The following SPAG16 variants were observed in gnomAD, a reference collection of about 807,000 sequenced individuals.
The protein encoded by SPAG16 is sperm-associated antigen 16 protein.
Under a neutral mutation model 80.4 loss-of-function variants are expected in SPAG16, and 86 were observed. That is an observed-to-expected ratio of 1.07 (90% CI 0.90 to 1.28). The LOEUF is 1.28. Among genes scored for constraint, SPAG16 ranks in the 50% most tolerant of loss-of-function variants. The pLI, the probability that SPAG16 is intolerant of heterozygous loss-of-function variation, is 0.00. For missense variants in SPAG16, 870 were observed against 765.3 expected (o/e 1.14, Z -1.61); for synonymous variants, 294 against 265.9 (o/e 1.11, Z -1.03).
intron 10 of SPAG16, among the ~76,000 whole-genome samples, chr2:213,670,163 T>A (rs184553020): frequency 1.3e-5 from 2 of 151,808 alleles, no homozygotes; most frequent in Non-Finnish European, 2.9e-5. Flanking sequence ...CCCAGCTAAT[T>A]TTTTTTGTAT....
rs557474117 is a variant in SPAG16, at chr2:213,674,593, T to C, written c.1070+184503T>C. Among the ~76,000 whole-genome samples, 967 of 149,330 alleles carry C rather than the reference T, an allele frequency of 6.5e-3. 109 individuals are homozygous for C. Among genetic ancestry groups the C allele is most frequent in the African/African-American group, 0.023 (905 of 38,770 alleles). ...TGTTCCCCTTTCTGTGTCCATGTGT[T>C]CTCATTGTTCAATTCCCACCTATGA... On this transcript the variant is annotated intron_variant, in intron 10 of 15. Transcript: ENST00000331683.
At chr2:213,505,298 C>T (rs79695932) in intron 10 of SPAG16, among the ~76,000 whole-genome samples, 9,001 of 152,070 alleles carry the variant, frequency 0.059, 880 homozygotes, top group African/African-American at 0.2. Flanking sequence ...TATATGTGGA[C>T]ACAATTTTTT....
intron 9 of SPAG16, among the ~76,000 whole-genome samples, chr2:213,390,470 T>A (rs17750216): frequency 0.013 from 2,008 of 152,276 alleles, 21 homozygotes; most frequent in South Asian, 0.038. Context: ...AGAAGGCATG[T>A]TAGGAAGGAT....
At chr2:213,317,694 T>C (rs1283618940) in intron 5 of SPAG16, 1 of 992,274 alleles carries the variant, frequency 1.0e-6, no homozygotes, top group Non-Finnish European at 1.2e-6. Context: ...AATAATTAAA[T>C]TTATAGAAAG....
At chr2:214,192,492 A>G (rs1185143560) in intron 15 of SPAG16, among the ~76,000 whole-genome samples, 1 of 152,144 alleles carries the variant, frequency 6.6e-6, no homozygotes, top group Non-Finnish European at 1.5e-5. Flanking sequence ...TGAGGAGAAA[A>G]TAATATTTTG....
intron 10 of SPAG16, among the ~76,000 whole-genome samples, chr2:213,782,673 A>G (rs913126428): frequency 1.3e-5 from 2 of 152,214 alleles, no homozygotes; most frequent in Non-Finnish European, 2.9e-5. Flanking sequence ...GTTTTACCAC[A>G]TTTTACAGAT....
At chr2:213,978,034 CTT>C (rs201843588) in intron 12 of SPAG16, among the ~76,000 whole-genome samples, 1 of 144,636 alleles carries the variant, frequency 6.9e-6, no homozygotes, top group African/African-American at 2.5e-5. Context: ...CTTTATAGGG[CTT>C]TTTTTTTTTC....
chr2:214,321,341 G>A (rs562488676), intron 15 of SPAG16, among the ~76,000 whole-genome samples: 1 of 152,280 alleles, frequency 6.6e-6, no homozygotes, highest in South Asian at 2.1e-4. Context: ...AATGATGATT[G>A]GATATTTAAC....
At chr2:213,921,216 C>A (rs2078208399) in intron 11 of SPAG16, among the ~76,000 whole-genome samples, 1 of 152,196 alleles carries the variant, frequency 6.6e-6, no homozygotes, top group Non-Finnish European at 1.5e-5. Context: ...TGGCCATCTT[C>A]TACTTAATCA....
chr2:213,663,686 T>G (rs1168754307), intron 10 of SPAG16, among the ~76,000 whole-genome samples: 2 of 152,128 alleles, frequency 1.3e-5, no homozygotes, highest in Non-Finnish European at 2.9e-5. Context: ...AAATGCATTT[T>G]GAATTATTTT....
intron 10 of SPAG16, among the ~76,000 whole-genome samples, chr2:213,741,627 G>A (rs2067559640): frequency 6.6e-6 from 1 of 152,068 alleles, no homozygotes; most frequent in Admixed American, 6.6e-5. Context: ...ATAATTCATA[G>A]CAAACTAAAA....
intron 15 of SPAG16, among the ~76,000 whole-genome samples, chr2:214,271,304 T>C (rs1200920559): frequency 2.6e-5 from 4 of 152,202 alleles, no homozygotes; most frequent in South Asian, 2.1e-4. Flanking sequence ...GAAATAACTA[T>C]ATTTTAAAAT....
chr2:214,166,224 A>T (rs963419029), intron 15 of SPAG16, among the ~76,000 whole-genome samples: 1 of 152,150 alleles, frequency 6.6e-6, no homozygotes, highest in African/African-American at 2.4e-5. Context: ...TATAGACAGG[A>T]TGCTGTGCTG....
intron 5 of SPAG16, among the ~76,000 whole-genome samples, chr2:213,320,471 C>T (rs756634781): frequency 1.1e-4 from 17 of 151,912 alleles, no homozygotes; most frequent in South Asian, 2.1e-4. Context: ...ACTGTAGTCA[C>T]GCTACTGTGA....
At chr2:214,324,680 AT>A (rs532263144) in intron 15 of SPAG16, among the ~76,000 whole-genome samples, 244 of 152,306 alleles carry the variant, frequency 1.6e-3, no homozygotes, top group African/African-American at 5.7e-3. Context: ...GGGAAAAAAA[AT>A]AGAAAGAAAA....
chr2:213,732,394 C>T (rs1479913218), intron 10 of SPAG16, among the ~76,000 whole-genome samples: 9 of 152,064 alleles, frequency 5.9e-5, no homozygotes, highest in Admixed American at 5.9e-4. Context: ...GGGATGTCCT[C>T]AAGGAGAACT....
chr2:213,928,293 C>T (rs1559597754), intron 11 of SPAG16, among the ~76,000 whole-genome samples: 1 of 151,698 alleles, frequency 6.6e-6, no homozygotes, highest in Non-Finnish European at 1.5e-5. Context: ...GGGGTTTCAC[C>T]ATGTTAGCCA....
intron 10 of SPAG16, among the ~76,000 whole-genome samples, chr2:213,675,902 G>A (rs977379243): frequency 6.6e-6 from 1 of 151,868 alleles, no homozygotes; most frequent in East Asian, 1.9e-4. Context: ...CTTTAAAGTA[G>A]TTTTTTCCAA....
At chr2:214,271,862 G>C (rs368170639) in intron 15 of SPAG16, among the ~76,000 whole-genome samples, 21 of 137,748 alleles carry the variant, frequency 1.5e-4, no homozygotes, top group Non-Finnish European at 3.1e-4. Flanking sequence ...CAAAAAAAAA[G>C]AAAGAAAAAA....
Sources: gnomAD v4.1 joint callset for allele counts (sites outside exome capture counted in the v4.1 genomes callset) on GRCh38, gnomAD v4.1.1 for gene constraint, MANE v1.5 for transcripts, NCBI Gene and HGNC (gene_info 2026-07-23, HGNC 2026-07-21) for gene names.